Variants in TMEM132D observed in about 807,000 individuals in gnomAD.
The protein encoded by TMEM132D is transmembrane protein 132D.
In TMEM132D, 21 loss-of-function variants were observed where a neutral mutation model predicts 62.3. That is an observed-to-expected ratio of 0.34 (90% CI 0.24 to 0.49). The LOEUF is 0.49. Among genes scored for constraint, TMEM132D ranks in the 20% least tolerant of loss-of-function variants. The pLI, the probability that TMEM132D is intolerant of heterozygous loss-of-function variation, is 0.99. For missense variants in TMEM132D, 1,346 were observed against 1,402.8 expected, an observed-to-expected ratio of 0.96 and a Z score of 0.65; for synonymous variants, 621 against 575.6, an observed-to-expected ratio of 1.08 and a Z score of -1.13.
At chr12:129,872,472 T>A (rs1874280161) in intron 1 of TMEM132D, among the ~76,000 whole-genome samples, 2 of 152,176 alleles carry the variant, frequency 1.3e-5, no homozygotes, top group Admixed American at 1.3e-4. Flanking sequence ...CAGCATTCAC[T>A]GTTCACAAAG....
At chr12:129,719,427 G>C (rs929727063) in intron 1 of TMEM132D, among the ~76,000 whole-genome samples, 8 of 152,182 alleles carry the variant, frequency 5.3e-5, no homozygotes, top group Non-Finnish European at 1.2e-4. Context: ...AGAACTAGAG[G>C]CATACTGTGC....
chr12:129,165,295 G>C (rs1877511860), intron 5 of TMEM132D, among the ~76,000 whole-genome samples: 1 of 152,160 alleles, frequency 6.6e-6, no homozygotes, highest in South Asian at 2.1e-4. Flanking sequence ...GGGTTGCAAA[G>C]GTGTACACGT....
rs530136693 is a variant in TMEM132D at position 129,556,343 on chromosome 12, G to A, written c.969-25138C>T. ...CACCTGCCCACCTGACACCTGGATC[G>A]GCACCGAGCAGAGGCAGGTCCCGAA... On this transcript the variant is annotated intron_variant, in intron 2 of 8. Coordinates refer to ENST00000422113, the MANE Select transcript of TMEM132D (RefSeq NM_133448.3). Among the ~76,000 whole-genome samples the A allele has an allele frequency of 1.8e-4, 28 of 152,224 alleles. No homozygotes were observed. The East Asian group carries it at 3.1e-3, about 17-fold the overall frequency.
Position 129,114,585 on chromosome 12 carries a change from A to C in TMEM132D, c.1444-29883T>G, listed in dbSNP as rs143535064. 2.6e-5 allele frequency among the ~76,000 whole-genome samples: 4 copies of C among 152,194 alleles called. No individual in the cohort carries two copies. In the South Asian group the frequency reaches 8.3e-4, roughly 32 times the overall value. The stretch of plus-strand genomic sequence containing the variant: ...TGAACGTGCAGCTCAATGACATTTC[A>C]TGAAGCAAACAAACTTACTTCATGC... On this transcript the variant is annotated intron_variant, in intron 5 of 8. Coordinates refer to ENST00000422113, the MANE Select transcript of TMEM132D (RefSeq NM_133448.3).
intron 5 of TMEM132D, among the ~76,000 whole-genome samples, chr12:129,134,996 T>G (rs548630646): frequency 6.6e-6 from 1 of 152,336 alleles, no homozygotes; most frequent in Non-Finnish European, 1.5e-5. Context: ...TATTTCAAAC[T>G]TAAGTCTCTA....
chr12:129,545,495 G>A (rs1363734648), intron 2 of TMEM132D, among the ~76,000 whole-genome samples: 4 of 151,252 alleles, frequency 2.6e-5, no homozygotes, highest in Admixed American at 6.6e-5. Context: ...CTATGCCTTA[G>A]ACACATTTTT....
At chr12:129,615,593 A>G (rs1197699284) in intron 2 of TMEM132D, among the ~76,000 whole-genome samples, 1 of 150,080 alleles carries the variant, frequency 6.7e-6, no homozygotes, top group Non-Finnish European at 1.5e-5. Context: ...TCAAAAAAAA[A>G]AAAAAAAGAA....
At chr12:129,621,289 C>T (rs530816805) in intron 2 of TMEM132D, among the ~76,000 whole-genome samples, 58 of 152,256 alleles carry the variant, frequency 3.8e-4, no homozygotes, top group African/African-American at 1.3e-3. Flanking sequence ...TTCCAGGGGG[C>T]CTTCCTGCCC....
intron 3 of TMEM132D, among the ~76,000 whole-genome samples, chr12:129,388,776 C>T (rs567163724): frequency 8.4e-6 from 1 of 118,782 alleles, no homozygotes; most frequent in East Asian, 2.2e-4. Flanking sequence ...CAACACCAAT[C>T]CAGCACTGAT....
intron 1 of TMEM132D, among the ~76,000 whole-genome samples, chr12:129,887,489 A>G (rs1874785270): frequency 6.6e-6 from 1 of 152,214 alleles, no homozygotes; most frequent in Non-Finnish European, 1.5e-5. Context: ...CTGGATGACA[A>G]AATAAAATTT....
chr12:129,161,026 A>G (rs761113059), intron 5 of TMEM132D, among the ~76,000 whole-genome samples: 14 of 152,240 alleles, frequency 9.2e-5, no homozygotes, highest in Middle Eastern at 3.2e-3. Context: ...CCCAGAGCAT[A>G]CTATGCGCTA....
chr12:129,486,132 C>T (rs945086992), intron 3 of TMEM132D, among the ~76,000 whole-genome samples: 3 of 152,186 alleles, frequency 2.0e-5, no homozygotes, highest in Non-Finnish European at 2.9e-5. Flanking sequence ...TGATCGGTGT[C>T]GGTATTACCT....
intron 4 of TMEM132D, among the ~76,000 whole-genome samples, chr12:129,269,803 A>C (rs1880804108): frequency 6.6e-6 from 1 of 152,164 alleles, no homozygotes; most frequent in Non-Finnish European, 1.5e-5. Flanking sequence ...GCTTCCTCAG[A>C]GCAGAGGCTG....
chr12:129,305,647 G>A (rs539762193), intron 4 of TMEM132D, among the ~76,000 whole-genome samples: 121 of 152,318 alleles, frequency 7.9e-4, no homozygotes, highest in Middle Eastern at 6.8e-3. Flanking sequence ...TACATGCTAT[G>A]AATCTGAGCT....
chr12:129,340,666 C>A (rs943004015), intron 3 of TMEM132D, among the ~76,000 whole-genome samples: 2 of 152,154 alleles, frequency 1.3e-5, no homozygotes, highest in Non-Finnish European at 2.9e-5. Flanking sequence ...CATAGTATTC[C>A]ATGGTGTATA....
chr12:129,419,035 G>A (rs1344360996), intron 3 of TMEM132D, among the ~76,000 whole-genome samples: 4 of 152,188 alleles, frequency 2.6e-5, no homozygotes, highest in Non-Finnish European at 5.9e-5. Context: ...GGGCCCCGCT[G>A]ACACCTTGAT....
At chr12:129,462,649 G>T (rs1332541625) in intron 3 of TMEM132D, among the ~76,000 whole-genome samples, 1 of 152,144 alleles carries the variant, frequency 6.6e-6, no homozygotes, top group Non-Finnish European at 1.5e-5. Context: ...TTTCACAATG[G>T]CACTAAATAT....
At chr12:129,176,301 C>G (rs1023879780) in intron 5 of TMEM132D, among the ~76,000 whole-genome samples, 1 of 152,216 alleles carries the variant, frequency 6.6e-6, no homozygotes, top group Non-Finnish European at 1.5e-5. Context: ...TCCCACCCCC[C>G]AAGCTTATGT....
At chr12:129,234,426 C>G (rs1265722396) in intron 4 of TMEM132D, among the ~76,000 whole-genome samples, 1 of 152,194 alleles carries the variant, frequency 6.6e-6, no homozygotes, top group Non-Finnish European at 1.5e-5. Context: ...TCTTTTCACA[C>G]CCGTTCCAGG....
Sources: gnomAD v4.1 joint callset for allele counts (sites outside exome capture counted in the v4.1 genomes callset) on GRCh38, gnomAD v4.1.1 for gene constraint, MANE v1.5 for transcripts, NCBI Gene and HGNC (gene_info 2026-07-23, HGNC 2026-07-21) for gene names.